FOXO1: variants seen among roughly 807,000 people sequenced by gnomAD.
The protein encoded by FOXO1 is forkhead box O1.
FOXO1 carries 6 observed loss-of-function variants against 44.1 expected under a neutral mutation model. The ratio of observed to expected loss-of-function variants is 0.14; its 90% CI spans 0.07 to 0.27. The LOEUF is 0.27. FOXO1 is among the 10% of genes least tolerant of loss of function. The pLI, the probability that FOXO1 is intolerant of heterozygous loss-of-function variation, is 1.00. For synonymous variants in FOXO1, 380 were observed against 362.7 expected (o/e 1.05, Z -0.54); for missense variants, 737 against 888.8 (o/e 0.83, Z 2.17).
intron 1 of FOXO1, among the ~76,000 whole-genome samples, chr13:40,570,452 G>A (rs1358092981): frequency 6.6e-6 from 1 of 152,104 alleles, no homozygotes; most frequent in Non-Finnish European, 1.5e-5. Flanking sequence ...GAAGAAGGGG[G>A]CCACCACTAG....
chr13:40,572,856 G>A (rs1874592253), intron 1 of FOXO1, among the ~76,000 whole-genome samples: 1 of 152,164 alleles, frequency 6.6e-6, no homozygotes, highest in African/African-American at 2.4e-5. Context: ...CAACAGCCCT[G>A]CTGTCCACAC....
At chr13:40,641,700 G>C (rs1040785609) in intron 1 of FOXO1, among the ~76,000 whole-genome samples, 6 of 151,998 alleles carry the variant, frequency 3.9e-5, no homozygotes, top group African/African-American at 1.5e-4. Context: ...AAAACCCACT[G>C]ACAGCTGGGT....
chr13:40,629,606 C>G (rs1304439212), intron 1 of FOXO1, among the ~76,000 whole-genome samples: 2 of 152,200 alleles, frequency 1.3e-5, no homozygotes, highest in African/African-American at 4.8e-5. Context: ...TTAAGCATCC[C>G]TAATCCAAAA....
At chr13:40,655,549 C>T (rs1285797352) in intron 1 of FOXO1, among the ~76,000 whole-genome samples, 1 of 151,776 alleles carries the variant, frequency 6.6e-6, no homozygotes, top group African/African-American at 2.4e-5. Flanking sequence ...ATTTAACTGT[C>T]CCCCACCCCT....
rs1290341552 is a variant in FOXO1, at chr13:40,666,008, C to T, written c.205G>A (p.Asp69Asn). The change falls in exon 1 of 3, where the codon GAC (aspartate) becomes AAC (asparagine). Residue 69 changes from aspartate to asparagine, a missense_variant. Coordinates refer to ENST00000379561, the MANE Select transcript of FOXO1 (RefSeq NM_002015.4). ...PSASAAAVSADFMSNLSLLEE... is the reference protein window; with the variant it reads ...PSASAAAVSANFMSNLSLLEE... ...AGCAAGCTCAGGTTGCTCATGAAGT[C>T]GGCGCTGACAGCGGCAGCCGAGGCC... The T allele has an allele frequency of 5.5e-6, 7 of 1,268,560 alleles. No individual in the cohort carries two copies. Among genetic ancestry groups the T allele is most frequent in the Admixed American group, 4.2e-5 (1 of 23,546 alleles). 78.6% of individuals were successfully genotyped at this position (1,268,560 alleles called of 1,614,324 possible).
intron 1 of FOXO1, among the ~76,000 whole-genome samples, chr13:40,644,069 G>A (rs563200722): frequency 6.6e-6 from 1 of 152,278 alleles, no homozygotes; most frequent in African/African-American, 2.4e-5. Flanking sequence ...AGGGAATTCT[G>A]ATCATTCTGA....
intron 1 of FOXO1, among the ~76,000 whole-genome samples, chr13:40,664,857 T>A (rs532936067): frequency 6.7e-6 from 1 of 149,764 alleles, no homozygotes; most frequent in African/African-American, 2.5e-5. Context: ...CCGCCGAGGG[T>A]CACACTTGAA....
chr13:40,569,438 T>C (rs1390044557), intron 1 of FOXO1, among the ~76,000 whole-genome samples: 1 of 152,220 alleles, frequency 6.6e-6, no homozygotes, highest in Non-Finnish European at 1.5e-5. Context: ...ACTGGCTATT[T>C]TGTTTTAGGA....
At chr13:40,586,348 C>T (rs1427528007) in intron 1 of FOXO1, among the ~76,000 whole-genome samples, 1 of 152,130 alleles carries the variant, frequency 6.6e-6, no homozygotes, top group African/African-American at 2.4e-5. Context: ...ATACTACTTC[C>T]TACAGGATAT....
Position 40,560,062 on chromosome 13 carries a change from T to C in FOXO1, c.1429A>G (p.Met477Val). The change falls in exon 2 of 3, where the codon ATG becomes GTG. Residue 477 changes from methionine (M) to valine (V), a missense_variant. Met to Val is a conservative substitution (Grantham distance 21, BLOSUM62 1). Transcript: ENST00000379561. The surrounding 1 kb of genome is among the most constrained non-coding windows in gnomAD (Gnocchi z 5.1). ...GCTACCCCAGGATCAACTGGTGTCATAATGTCATTATGGGGAGGAGAGTCA... is the reference window on the plus strand; with the variant it reads ...GCTACCCCAGGATCAACTGGTGTCACAATGTCATTATGGGGAGGAGAGTCA... ...TSDSPPHNDI[M>V]TPVDPGVAQP... is the part of the protein sequence containing the mutation. 1 of 1,614,166 alleles carries C rather than the reference T, an allele frequency of 6.2e-7. No homozygotes were observed. The highest frequency in any genetic ancestry group is 8.5e-7 in the Non-Finnish European group (1 of 1,180,026).
chr13:40,570,347 A>G (rs1056438434), intron 1 of FOXO1, among the ~76,000 whole-genome samples: 4 of 151,936 alleles, frequency 2.6e-5, no homozygotes, highest in African/African-American at 9.7e-5. Flanking sequence ...AAAGACCCCT[A>G]AGAGGTGAGG....
In FOXO1 at chr13:40,559,632, T is replaced by C; in HGVS notation, c.1859A>G (p.Asn620Ser). The change falls in exon 2 of 3, where the codon AAT (asparagine) becomes AGT (serine). Residue 620 changes from asparagine (N) to serine (S), a missense_variant. Physicochemically the swap from Asn to Ser is conservative, Grantham distance 46. Transcript: ENST00000379561. Reference sequence around the variant, plus strand: ...CAATGTATCTCCATCCATGAGGTCATTCCGAATGATGGATTCCATGTCACA... The same window carrying C: ...CAATGTATCTCCATCCATGAGGTCACTCCGAATGATGGATTCCATGTCACA... The part of the protein sequence containing the change: ...LDCDMESIIR[N>S]DLMDGDTLDF... The C allele has an allele frequency of 6.2e-7, 1 of 1,614,208 alleles. No individual in the cohort carries two copies. The highest frequency in any genetic ancestry group is 1.1e-5 in the South Asian group (1 of 91,082).
Position 40,619,966 on chromosome 13 carries a change from C to T in FOXO1, c.630+45617G>A, listed in dbSNP as rs1017754483. On this transcript the variant is annotated intron_variant, in intron 1 of 2. Transcript: ENST00000379561. The stretch of plus-strand genomic sequence containing the variant: ...GCCAATAAGATCTACTATAAGTAGC[C>T]GAAGCTGTTCACCAATTCAGAGACA... The T allele has an allele frequency of 4.4e-6, 3 of 681,182 alleles. No homozygotes were observed. The African/African-American group carries it at 5.3e-5, about 12-fold the overall frequency. 42.2% of individuals were successfully genotyped at this position (681,182 alleles called of 1,614,324 possible). A position where few individuals can be genotyped will look rare whatever the true frequency, so the allele number is the denominator to read the frequency against.
intron 1 of FOXO1, among the ~76,000 whole-genome samples, chr13:40,576,911 T>C (rs530947469): frequency 6.6e-5 from 10 of 152,370 alleles, no homozygotes; most frequent in African/African-American, 7.2e-5. Flanking sequence ...TTTTTGTTCC[T>C]TGATGTCATT....
intron 1 of FOXO1, among the ~76,000 whole-genome samples, chr13:40,602,447 A>T (rs1016748836): frequency 3.3e-5 from 5 of 152,254 alleles, no homozygotes; most frequent in African/African-American, 1.2e-4. Context: ...AATTCAAAGC[A>T]TAAAACTCAT....
intron 1 of FOXO1, among the ~76,000 whole-genome samples, chr13:40,660,127 T>C (rs183332751): frequency 1.1e-4 from 17 of 152,340 alleles, no homozygotes; most frequent in Admixed American, 3.9e-4. Flanking sequence ...GAATTCTTTA[T>C]GTACCAAGAA....
chr13:40,555,679 C>T lies in FOXO1; in HGVS notation c.*3370G>A, dbSNP rs1482888038. ...AATGACAACATTGTGGCTGACAAGA[C>T]TTAACTCAAGTATTTAATAGCTTCA... On this transcript the variant is annotated 3_prime_UTR_variant, in exon 3 of 3. Transcript: ENST00000379561. 1 of 152,578 alleles carries T rather than the reference C, an allele frequency of 6.6e-6. No homozygotes were observed. The highest frequency in any genetic ancestry group is 1.5e-5 in the Non-Finnish European group (1 of 68,036). 9.5% of individuals were successfully genotyped at this position (152,578 alleles called of 1,614,324 possible).
chr13:40,624,429 C>A (rs1385891137), intron 1 of FOXO1, among the ~76,000 whole-genome samples: 1 of 150,904 alleles, frequency 6.6e-6, no homozygotes, highest in African/African-American at 2.4e-5. Context: ...CAATGCTTTG[C>A]TTTATAACAT....
chr13:40,639,867 C>T (rs973300057), intron 1 of FOXO1, among the ~76,000 whole-genome samples: 3 of 152,200 alleles, frequency 2.0e-5, no homozygotes, highest in Admixed American at 6.5e-5. Flanking sequence ...GAAAATAAAA[C>T]GACTGAGAAC....
Sources: gnomAD v4.1 joint callset for allele counts (sites outside exome capture counted in the v4.1 genomes callset) on GRCh38, gnomAD v4.1.1 for gene constraint, Gnocchi (gnomAD v3.1) non-coding constraint, MANE v1.5 for transcripts, NCBI Gene and HGNC (gene_info 2026-07-23, HGNC 2026-07-21) for gene names.